Variants in GRK3 observed in about 807,000 individuals in gnomAD.
The protein encoded by GRK3 is adrenergic, beta, receptor kinase 2.
In GRK3, 54 loss-of-function variants were observed where a neutral mutation model predicts 95.7. The ratio of observed to expected loss-of-function variants is 0.56; its 90% CI spans 0.45 to 0.71. GRK3 has a LOEUF of 0.71. Among genes scored for constraint, GRK3 ranks in the 30% least tolerant of loss-of-function variants. The probability of loss-of-function intolerance (pLI) is 0.00; values close to 1 mark genes in which losing one functional copy is unlikely to be tolerated. For synonymous variants in GRK3, 281 were observed against 290.8 expected, an observed-to-expected ratio of 0.97 and a Z score of 0.34; for missense variants, 649 against 851.2, an observed-to-expected ratio of 0.76 and a Z score of 2.96.
In GRK3 at chr22:25,709,981, G is replaced by A. The variant is rs1367874243; in HGVS notation, c.1395+17G>A. The A allele has an allele frequency of 1.9e-6, 3 of 1,594,560 alleles. No individual in the cohort carries two copies. Among genetic ancestry groups the A allele is most frequent in the African/African-American group, 2.7e-5 (2 of 74,488 alleles). On this transcript the variant is annotated intron_variant, in intron 16 of 20. Transcript: ENST00000324198. ...TTACAAAAGGTACTCACTCCCTCTT[G>A]ACTCTACTTACGGTACTGCCGCCCC...
At position 25,722,467 on chromosome 22, in the gene GRK3, G is replaced by A; in HGVS notation, c.*17G>A. The A allele has an allele frequency of 6.2e-7, 1 of 1,613,096 alleles. No individual in the cohort carries two copies. Among genetic ancestry groups the A allele is most frequent in the Non-Finnish European group, 8.5e-7 (1 of 1,179,242 alleles). ...GGCCTCTAGCACCCAGAAACAGGGAGGGTCCTCGAGGAGGACACACCAGGG... is the reference window on the plus strand; with the variant it reads ...GGCCTCTAGCACCCAGAAACAGGGAAGGTCCTCGAGGAGGACACACCAGGG... On this transcript the variant is annotated 3_prime_UTR_variant, in exon 21 of 21. Transcript: ENST00000324198.
intron 3 of GRK3, chr22:25,647,697 T>C: frequency 7.3e-7 from 1 of 1,360,610 alleles, no homozygotes; most frequent in Non-Finnish European, 1.1e-6. Flanking sequence ...TCCTGAGCAG[T>C]TATGTAGCGC....
At chr22:25,614,564 C>A (rs987579376) in intron 2 of GRK3, among the ~76,000 whole-genome samples, 4 of 152,188 alleles carry the variant, frequency 2.6e-5, no homozygotes, top group African/African-American at 9.6e-5. Context: ...GTACTAGACA[C>A]TTCAGTGAGT....
chr22:25,703,648 A>G, intron 14 of GRK3, 72 bp downstream of exon 14: 5 of 1,132,210 alleles, frequency 4.4e-6, no homozygotes, highest in African/African-American at 1.5e-5. Context: ...TAATAAAAAA[A>G]TGCTATTACA....
At chr22:25,691,695 TA>T (rs1044611038) in intron 12 of GRK3, among the ~76,000 whole-genome samples, 1 of 152,234 alleles carries the variant, frequency 6.6e-6, no homozygotes, top group African/African-American at 2.4e-5. Flanking sequence ...TAGTCATAAC[TA>T]AATATGAATC....
chr22:25,604,176 G>A (rs912690952), intron 1 of GRK3, among the ~76,000 whole-genome samples: 4 of 152,152 alleles, frequency 2.6e-5, no homozygotes, highest in Admixed American at 2.0e-4. Flanking sequence ...GTTAAGGTTG[G>A]CCCTGTGTTG....
chr22:25,605,150 A>C (rs767953717), intron 2 of GRK3, among the ~76,000 whole-genome samples: 6 of 152,196 alleles, frequency 3.9e-5, no homozygotes, highest in Non-Finnish European at 8.8e-5. Flanking sequence ...GTCTGTGAAG[A>C]GGTTCTTTGG....
intron 8 of GRK3, among the ~76,000 whole-genome samples, chr22:25,676,827 T>C (rs1362350467): frequency 6.6e-6 from 1 of 151,872 alleles, no homozygotes; most frequent in Non-Finnish European, 1.5e-5. Flanking sequence ...TCAGGAGCCA[T>C]ATAGCTAGAA....
At chr22:25,575,129 A>G (rs1158531781) in intron 1 of GRK3, among the ~76,000 whole-genome samples, 3 of 152,216 alleles carry the variant, frequency 2.0e-5, no homozygotes, top group Admixed American at 6.5e-5. Flanking sequence ...TAAATTCCAC[A>G]TGGAAAACTA....
chr22:25,707,874 CCTCGGTGTTTCTGGCAGTACGT>C (rs958502868), intron 15 of GRK3, among the ~76,000 whole-genome samples: 19 of 152,100 alleles, frequency 1.2e-4, no homozygotes, highest in Admixed American at 5.2e-4. Context: ...GACCCTGGTG[CCTCGGTGTTTCTGGCAGTACGT>C]CTATCATCCC....
chr22:25,686,012 G>A (rs2085110529), intron 10 of GRK3, among the ~76,000 whole-genome samples: 1 of 151,898 alleles, frequency 6.6e-6, no homozygotes, highest in South Asian at 2.1e-4. Context: ...ATGAGGTCAG[G>A]AGATCGAGAC....
intron 2 of GRK3, among the ~76,000 whole-genome samples, chr22:25,622,588 C>T (rs2084595023): frequency 6.6e-6 from 1 of 152,142 alleles, no homozygotes; most frequent in African/African-American, 2.4e-5. Flanking sequence ...TGCGCAGGAG[C>T]CAGGGTTTTG....
rs1005429311 is a variant in GRK3 at position 25,721,877 on chromosome 22, C to T, written c.1906-412C>T. ...GAGAGCATATTTAGAGAAATAAACA[C>T]GTATTAGATGCAAAAAAATCATTTT... On this transcript the variant is annotated intron_variant, in intron 20 of 20. Coordinates refer to ENST00000324198, the MANE Select transcript of GRK3 (RefSeq NM_005160.4). Among the ~76,000 whole-genome samples the T allele has an allele frequency of 3.9e-5, 6 of 152,192 alleles. 1 individual carries two copies. In the Middle Eastern group the frequency reaches 0.01, roughly 261 times the overall value.
intron 2 of GRK3, among the ~76,000 whole-genome samples, chr22:25,606,939 G>C (rs1295116011): frequency 6.6e-6 from 1 of 152,190 alleles, no homozygotes; most frequent in East Asian, 1.9e-4. Flanking sequence ...GGGTTTAGCT[G>C]GTAATACACA....
intron 9 of GRK3, among the ~76,000 whole-genome samples, chr22:25,682,844 C>T (rs1393348505): frequency 1.3e-5 from 2 of 152,226 alleles, no homozygotes; most frequent in Non-Finnish European, 2.9e-5. Flanking sequence ...ACTAACCCTG[C>T]ACCCAACTTA....
Position 25,646,636 on chromosome 22 carries a change from T to C in GRK3, c.264+1971T>C, listed in dbSNP as rs150649313. ...AAGTTTTTAAACTAGGAAAAAAATA[T>C]TTAAAATAGCCATGGTGAGCAGTGG... On this transcript the variant is annotated intron_variant, in intron 3 of 20. Coordinates refer to ENST00000324198, the MANE Select transcript of GRK3 (RefSeq NM_005160.4). Among the ~76,000 whole-genome samples the C allele has an allele frequency of 8.0e-4, 121 of 152,168 alleles. 1 individual carries two copies. In the East Asian group the frequency reaches 0.011, roughly 14 times the overall value.
intron 3 of GRK3, among the ~76,000 whole-genome samples, chr22:25,652,368 T>C (rs374681696): frequency 1.4e-4 from 22 of 152,232 alleles, no homozygotes; most frequent in African/African-American, 4.8e-4. Context: ...GAGGCGGAGC[T>C]TGCAGGAAAA....
chr22:25,686,469 T>G (rs1221558769), intron 10 of GRK3, among the ~76,000 whole-genome samples: 1 of 152,172 alleles, frequency 6.6e-6, no homozygotes, highest in African/African-American at 2.4e-5. Context: ...TTTGGGATGC[T>G]GGGCATCTTT....
intron 3 of GRK3, among the ~76,000 whole-genome samples, chr22:25,658,429 T>G (rs1569182647): frequency 6.6e-6 from 1 of 152,246 alleles, no homozygotes; most frequent in African/African-American, 2.4e-5. Context: ...TCTTTAAGGC[T>G]CAGCTAGGCT....
Sources: allele counts gnomAD v4.1 joint callset (sites outside exome capture counted in the v4.1 genomes callset), GRCh38; gene constraint gnomAD v4.1.1; transcripts MANE v1.5; gene names NCBI Gene and HGNC (gene_info 2026-07-23, HGNC 2026-07-21).